Variants in RABEP1 observed in about 807,000 individuals in gnomAD.
The protein encoded by RABEP1 is rabaptin, RAB GTPase binding effector protein 1, also known as rab GTPase-binding effector protein 1.
Under a neutral mutation model 123.4 loss-of-function variants are expected in RABEP1, and 51 were observed. That is an observed-to-expected ratio of 0.41 (90% CI 0.33 to 0.52). RABEP1 has a LOEUF of 0.52. Among genes scored for constraint, RABEP1 ranks in the 20% least tolerant of loss-of-function variants. RABEP1 has a pLI of 0.16. For synonymous variants in RABEP1, 347 were observed against 355.2 expected, an observed-to-expected ratio of 0.98 and a Z score of 0.26; for missense variants, 888 against 996.3, an observed-to-expected ratio of 0.89 and a Z score of 1.46.
At chr17:5,306,542 T>C (rs112764240) in intron 1 of RABEP1, among the ~76,000 whole-genome samples, 25,499 of 151,512 alleles carry the variant, frequency 0.17, 2,242 homozygotes, top group Middle Eastern at 0.22. Context: ...GCAGAAGAAT[T>C]GCTTGAGTCC....
chr17:5,282,622 GC>G, intron 1 of RABEP1, 102 bp downstream of exon 1: 1 of 824,080 alleles, frequency 1.2e-6, no homozygotes, highest in Non-Finnish European at 1.5e-6. Flanking sequence ...GCGCGCGCAG[GC>G]CCCGGGGGTG....
At chr17:5,366,168 T>A (rs1468083832) in intron 11 of RABEP1, among the ~76,000 whole-genome samples, 2 of 152,236 alleles carry the variant, frequency 1.3e-5, no homozygotes, top group African/African-American at 4.8e-5. Context: ...ATTTTAATTA[T>A]AGCCATTTCG....
chr17:5,323,445 A>G (rs1905584622), intron 2 of RABEP1, among the ~76,000 whole-genome samples: 1 of 152,160 alleles, frequency 6.6e-6, no homozygotes, highest in South Asian at 2.1e-4. Flanking sequence ...TCTTATATTT[A>G]GAAAAACTTA....
chr17:5,311,781 G>A (rs973435866), intron 2 of RABEP1, among the ~76,000 whole-genome samples: 1 of 150,540 alleles, frequency 6.6e-6, no homozygotes, highest in Non-Finnish European at 1.5e-5. Context: ...GAGATATATT[G>A]GTTCTCATTA....
At chr17:5,375,771 C>A (rs1205589948) in intron 13 of RABEP1, among the ~76,000 whole-genome samples, 2 of 152,010 alleles carry the variant, frequency 1.3e-5, no homozygotes, top group Non-Finnish European at 2.9e-5. Context: ...TCACTGTTTA[C>A]CACCTTCCAC....
chr17:5,368,335 CCTAA>C lies in RABEP1; in HGVS notation c.1786-31_1786-28del, dbSNP rs541650791. 202 of 1,398,730 alleles carry C rather than the reference CCTAA, an allele frequency of 1.4e-4. 3 individuals carry two copies. The East Asian group carries it at 4.6e-3, about 32-fold the overall frequency. The allele number at this position is 1,398,730 out of a possible 1,614,324, so 86.6% of individuals were successfully genotyped here. ...GAGTTAGTTTCAGAATAACCGATTT[CCTAA>C]CTATGTTTCTATACATGTGTTTTTT... On this transcript the variant is annotated intron_variant, in intron 11 of 17. Transcript: ENST00000537505.
rs1906370351 is a variant in RABEP1 at position 5,329,921 on chromosome 17, CTTGGTAT to C, written c.164-2024_164-2018del. On this transcript the variant is annotated intron_variant, in intron 2 of 17. Transcript: ENST00000537505. The stretch of plus-strand genomic sequence containing the variant: ...TAAGTGCCAAAAATGGATATTTAGG[CTTGGTAT>C]TTGTTTACAGTTTTTCTGTTCATAA... Among the ~76,000 whole-genome samples, 12 of 151,380 alleles carry C rather than the reference CTTGGTAT, an allele frequency of 7.9e-5. 1 individual carries two copies. In the South Asian group the frequency reaches 2.5e-3, roughly 31 times the overall value.
At chr17:5,347,396 C>T (rs916234290) in intron 6 of RABEP1, among the ~76,000 whole-genome samples, 3 of 149,992 alleles carry the variant, frequency 2.0e-5, no homozygotes, top group South Asian at 2.1e-4. Flanking sequence ...GGCGACAGAG[C>T]GAGACTTCAT....
chr17:5,308,007 A>G (rs899952195), intron 1 of RABEP1, among the ~76,000 whole-genome samples: 4 of 152,206 alleles, frequency 2.6e-5, no homozygotes, highest in Non-Finnish European at 5.9e-5. Context: ...CTTGAGAGAA[A>G]TGGGAAATAG....
At chr17:5,311,339 G>A (rs549737379) in intron 2 of RABEP1, among the ~76,000 whole-genome samples, 1 of 151,938 alleles carries the variant, frequency 6.6e-6, no homozygotes, top group East Asian at 1.9e-4. Flanking sequence ...TTTTCTTTAC[G>A]GAGATATTAT....
chr17:5,349,013 G>A (rs1908301023), intron 6 of RABEP1, among the ~76,000 whole-genome samples: 1 of 152,070 alleles, frequency 6.6e-6, no homozygotes, highest in African/African-American at 2.4e-5. Flanking sequence ...ACCTCAAAAA[G>A]AAATCCTGTA....
At chr17:5,291,269 G>T (rs2075030448) in intron 1 of RABEP1, among the ~76,000 whole-genome samples, 1 of 152,000 alleles carries the variant, frequency 6.6e-6, no homozygotes, top group African/African-American at 2.4e-5. Context: ...AATTAACTGG[G>T]CGTGGTGGTG....
intron 1 of RABEP1, among the ~76,000 whole-genome samples, chr17:5,285,204 T>A (rs2074965605): frequency 6.6e-6 from 1 of 152,158 alleles, no homozygotes; most frequent in Non-Finnish European, 1.5e-5. Flanking sequence ...CTTGAGAATT[T>A]AAAAATGAAA....
At chr17:5,338,986 T>C (rs1907338016) in intron 5 of RABEP1, among the ~76,000 whole-genome samples, 1 of 152,016 alleles carries the variant, frequency 6.6e-6, no homozygotes, top group African/African-American at 2.4e-5. Flanking sequence ...GTGAGACCCC[T>C]GTCTCTACAA....
At position 5,367,814 on chromosome 17, in the gene RABEP1, G is replaced by A. The variant is rs973824214; in HGVS notation, c.1786-556G>A. ...CTTGTTGCCCAGGCTAGAGTACAGG[G>A]TGCGTTCTGGGCTCACTGCAACCTC... On this transcript the variant is annotated intron_variant, in intron 11 of 17. Transcript: ENST00000537505. Among the ~76,000 whole-genome samples, 30 of 150,680 alleles carry A rather than the reference G, an allele frequency of 2.0e-4. 1 individual carries two copies. Among genetic ancestry groups the A allele is most frequent in the African/African-American group, 7.0e-4 (29 of 41,196 alleles).
At chr17:5,282,575 C>A in intron 1 of RABEP1, 55 bp downstream of exon 1, 2 of 1,105,792 alleles carry the variant, frequency 1.8e-6, no homozygotes, top group Middle Eastern at 3.6e-4. Flanking sequence ...GCGTCGGCGT[C>A]GCGGGAGGAT....
intron 5 of RABEP1, among the ~76,000 whole-genome samples, chr17:5,346,489 A>G (rs1412152764): frequency 1.3e-5 from 2 of 152,222 alleles, no homozygotes; most frequent in African/African-American, 4.8e-5. Context: ...AGATACATGC[A>G]TATGTTGATG....
At chr17:5,333,853 C>G (rs567515865) in intron 3 of RABEP1, among the ~76,000 whole-genome samples, 2 of 152,246 alleles carry the variant, frequency 1.3e-5, no homozygotes, top group East Asian at 3.9e-4. Flanking sequence ...ATCAGAAAAG[C>G]AAAAATTTTC....
At chr17:5,372,965 C>G (rs1318424645) in intron 12 of RABEP1, among the ~76,000 whole-genome samples, 2 of 152,098 alleles carry the variant, frequency 1.3e-5, no homozygotes, top group East Asian at 1.9e-4. Flanking sequence ...ACTGTTTTGC[C>G]CAGGCTGGTC....
Sources: allele counts gnomAD v4.1 joint callset (sites outside exome capture counted in the v4.1 genomes callset), GRCh38; gene constraint gnomAD v4.1.1; transcripts MANE v1.5; gene names NCBI Gene and HGNC (gene_info 2026-07-23, HGNC 2026-07-21).